FBLN2: variants seen among roughly 807,000 people sequenced by gnomAD.
FBLN2 encodes fibulin-2.
A neutral mutation model predicts 123.7 loss-of-function variants in FBLN2; 81 were observed. That is an observed-to-expected ratio of 0.65 (90% CI 0.55 to 0.79). FBLN2 has a LOEUF of 0.79. FBLN2 is among the 30% of genes least tolerant of loss of function. The probability of loss-of-function intolerance (pLI) is 0.00; values close to 1 mark genes in which losing one functional copy is unlikely to be tolerated. For synonymous variants in FBLN2, 699 were observed against 701.4 expected, an observed-to-expected ratio of 1.00 and a Z score of 0.05; for missense variants, 1,603 against 1,681.3, an observed-to-expected ratio of 0.95 and a Z score of 0.81.
chr3:13,625,297 C>T (rs1705998168), intron 9 of FBLN2, among the ~76,000 whole-genome samples: 2 of 152,130 alleles, frequency 1.3e-5, no homozygotes, highest in Admixed American at 1.3e-4. Context: ...TCTGTGGCTC[C>T]CCACCTCCCT....
At chr3:13,576,002 G>A (rs1018271203) in intron 2 of FBLN2, among the ~76,000 whole-genome samples, 3 of 152,218 alleles carry the variant, frequency 2.0e-5, no homozygotes, top group Admixed American at 6.5e-5. Flanking sequence ...CACCCAGGAG[G>A]TGCTCGGCAA....
chr3:13,612,599 T>A (rs927109212), intron 4 of FBLN2, among the ~76,000 whole-genome samples: 4 of 143,138 alleles, frequency 2.8e-5, no homozygotes, highest in Non-Finnish European at 5.9e-5. Context: ...GCCAGGATGG[T>A]CTCGATCTCC....
At chr3:13,615,877 G>T (rs558221840) in intron 5 of FBLN2, among the ~76,000 whole-genome samples, 1 of 152,302 alleles carries the variant, frequency 6.6e-6, no homozygotes, top group South Asian at 2.1e-4. Flanking sequence ...GTCAGCCTTG[G>T]TTCCGATTGA....
chr3:13,571,572 C>T lies in FBLN2; in HGVS notation c.1217C>T (p.Pro406Leu). 6.2e-7 allele frequency: 1 copy of T among 1,613,586 alleles called. No homozygotes were observed. Among genetic ancestry groups the T allele is most frequent in the South Asian group, 1.1e-5 (1 of 90,906 alleles). ...AAWIPPTREVPRKPQVLPHSH... is the reference protein window; with the variant it reads ...AAWIPPTREVLRKPQVLPHSH... ...TGGATCCCACCCACCCGAGAAGTGC[C>T]CAGGAAGCCGCAAGTTCTGCCCCAT... The change falls in exon 2 of 18, where the codon CCC (proline) becomes CTC (leucine). Residue 406 changes from proline (P) to leucine (L), a missense_variant. By Grantham distance (98) the Pro-to-Leu change is moderately conservative (BLOSUM62 -3). Transcript: ENST00000404922.
At chr3:13,592,032 T>A (rs973830862) in intron 2 of FBLN2, among the ~76,000 whole-genome samples, 6 of 150,164 alleles carry the variant, frequency 4.0e-5, no homozygotes, top group African/African-American at 1.5e-4. Flanking sequence ...TTTTTTTTTT[T>A]TTTTTATTTT....
chr3:13,637,518 G>A (rs754947173), intron 17 of FBLN2, 44 bp from the exon 18 acceptor site: 2 of 1,519,180 alleles, frequency 1.3e-6, no homozygotes, highest in Non-Finnish European at 1.8e-6. Context: ...TGGGGATGAG[G>A]GGGGTGGGCG....
chr3:13,577,359 G>A (rs112086619), intron 2 of FBLN2, among the ~76,000 whole-genome samples: 90 of 152,258 alleles, frequency 5.9e-4, no homozygotes, highest in African/African-American at 2.1e-3. Flanking sequence ...AGCGGCGAGT[G>A]CAAAGGCCCC....
At chr3:13,605,555 C>T (rs1250287015) in intron 2 of FBLN2, among the ~76,000 whole-genome samples, 1 of 152,242 alleles carries the variant, frequency 6.6e-6, no homozygotes, top group Non-Finnish European at 1.5e-5. Context: ...TTGTTTCTGA[C>T]AGCTCCTGCA....
At chr3:13,629,131 C>T (rs1457758407) in intron 12 of FBLN2, 33 bp from the exon 13 acceptor site, 1 of 1,612,658 alleles carries the variant, frequency 6.2e-7, no homozygotes, top group Non-Finnish European at 8.5e-7. Flanking sequence ...GAGGGAGCCC[C>T]AGGCCTCAAG....
At chr3:13,617,146 C>A (rs576282195) in intron 5 of FBLN2, among the ~76,000 whole-genome samples, 32 of 148,172 alleles carry the variant, frequency 2.2e-4, no homozygotes, top group Middle Eastern at 3.4e-3. Flanking sequence ...ATTCATCAAT[C>A]CATCCATCCA....
At chr3:13,573,585 C>T (rs1225426199) in intron 2 of FBLN2, among the ~76,000 whole-genome samples, 1 of 152,156 alleles carries the variant, frequency 6.6e-6, no homozygotes, top group Non-Finnish European at 1.5e-5. Flanking sequence ...GGCTCCTGTG[C>T]ACATGCTGGG....
intron 2 of FBLN2, among the ~76,000 whole-genome samples, chr3:13,606,566 T>TAG (rs1336099589): frequency 6.6e-6 from 1 of 152,236 alleles, no homozygotes; most frequent in Non-Finnish European, 1.5e-5. Context: ...CTCAAAAACT[T>TAG]AACTAATAGC....
chr3:13,572,780 C>G (rs1704005711), intron 2 of FBLN2, among the ~76,000 whole-genome samples: 1 of 152,258 alleles, frequency 6.6e-6, no homozygotes. Flanking sequence ...GGCGCTGCTG[C>G]TAAGCAGGGG....
chr3:13,576,537 G>A (rs987098943), intron 2 of FBLN2, among the ~76,000 whole-genome samples: 1 of 152,246 alleles, frequency 6.6e-6, no homozygotes, highest in African/African-American at 2.4e-5. Flanking sequence ...AGCTGGAGCT[G>A]GGGGAGGGGG....
chr3:13,556,655 TGTGCA>T (rs1703472326), intron 1 of FBLN2, among the ~76,000 whole-genome samples: 1 of 152,244 alleles, frequency 6.6e-6, no homozygotes, highest in African/African-American at 2.4e-5. Context: ...CATGGCTTCC[TGTGCA>T]TGGGATGGGA....
chr3:13,552,966 C>T (rs780019620), intron 1 of FBLN2, among the ~76,000 whole-genome samples: 3 of 152,062 alleles, frequency 2.0e-5, no homozygotes, highest in Admixed American at 1.3e-4. Flanking sequence ...AATGCTTTGT[C>T]GGGGCCATCC....
rs546885273 is a variant in FBLN2, at chr3:13,615,628, G to A, written c.1729+1464G>A. On this transcript the variant is annotated intron_variant, in intron 5 of 17. Transcript: ENST00000404922. ...TTGTTCAGTGCAAGGATGAATGATA[G>A]GATGCCTGTCAAGGGCTTTTGGCAG... 3.9e-5 allele frequency among the ~76,000 whole-genome samples: 6 copies of A among 152,374 alleles called. No individual in the cohort carries two copies. The South Asian group carries it at 1.2e-3, about 32-fold the overall frequency.
intron 2 of FBLN2, among the ~76,000 whole-genome samples, chr3:13,572,595 G>A (rs912778443): frequency 3.9e-5 from 6 of 152,262 alleles, no homozygotes; most frequent in African/African-American, 9.6e-5. Flanking sequence ...GATAGGGACC[G>A]GCCCAAGGCT....
At chr3:13,577,693 C>T (rs192418598) in intron 2 of FBLN2, among the ~76,000 whole-genome samples, 1 of 152,346 alleles carries the variant, frequency 6.6e-6, no homozygotes, top group African/African-American at 2.4e-5. Flanking sequence ...CATAGAGGCT[C>T]TGCTGGAGAG....
Sources: gnomAD v4.1 joint callset for allele counts (sites outside exome capture counted in the v4.1 genomes callset) on GRCh38, gnomAD v4.1.1 for gene constraint, MANE v1.5 for transcripts, NCBI Gene and HGNC (gene_info 2026-07-23, HGNC 2026-07-21) for gene names.